Variants in PTPRO observed in about 807,000 individuals in gnomAD.
PTPRO encodes the protein protein tyrosine phosphatase receptor type O, also known as receptor-type tyrosine-protein phosphatase O.
In PTPRO, 62 loss-of-function variants were observed where a neutral mutation model predicts 145.2. That is an observed-to-expected ratio of 0.43 (90% CI 0.35 to 0.53). The LOEUF is 0.53. Ranked by LOEUF, PTPRO falls within the 20% of genes least tolerant of loss-of-function variation. The pLI, the probability that PTPRO is intolerant of heterozygous loss-of-function variation, is 0.01. For missense variants in PTPRO, 1,345 were observed against 1,482.7 expected (o/e 0.91, Z 1.53); for synonymous variants, 565 against 514.7 (o/e 1.10, Z -1.32).
intron 2 of PTPRO, among the ~76,000 whole-genome samples, chr12:15,492,910 A>G (rs1195957288): frequency 6.6e-6 from 1 of 152,194 alleles, no homozygotes; most frequent in African/African-American, 2.4e-5. Flanking sequence ...AGAGATGATT[A>G]TGAGAATTTC....
At chr12:15,387,058 A>G (rs1440533280) in intron 1 of PTPRO, among the ~76,000 whole-genome samples, 3 of 152,218 alleles carry the variant, frequency 2.0e-5, no homozygotes, top group Non-Finnish European at 4.4e-5. Context: ...ATTGCATACA[A>G]AAACCTTGCA....
At chr12:15,378,549 T>A (rs528758570) in intron 1 of PTPRO, among the ~76,000 whole-genome samples, 1 of 152,226 alleles carries the variant, frequency 6.6e-6, no homozygotes, top group African/African-American at 2.4e-5. Context: ...AATTAGTAAT[T>A]TAAGATATTC....
intron 1 of PTPRO, among the ~76,000 whole-genome samples, chr12:15,360,887 CAT>C (rs1491319307): frequency 1.9e-5 from 2 of 106,268 alleles, no homozygotes; most frequent in Non-Finnish European, 4.2e-5. Context: ...CACACATACA[CAT>C]GTGTATATAC....
chr12:15,467,924 T>A lies in PTPRO; in HGVS notation c.76-16050T>A, dbSNP rs253816. Among the ~76,000 whole-genome samples, 269 of 152,306 alleles carry A rather than the reference T, an allele frequency of 1.8e-3. 1 individual carries two copies. Among genetic ancestry groups the A allele is most frequent in the African/African-American group, 6.2e-3 (256 of 41,584 alleles). ...GCTATTCAGAATGTGAACTCCCCAA[T>A]GGTGCATTAGATATTTCCAGTCTTG... On this transcript the variant is annotated intron_variant, in intron 1 of 26. Coordinates refer to ENST00000281171, the MANE Select transcript of PTPRO (RefSeq NM_030667.3).
At chr12:15,550,392 T>C (rs1943424043) in intron 14 of PTPRO, among the ~76,000 whole-genome samples, 1 of 152,178 alleles carries the variant, frequency 6.6e-6, no homozygotes, top group African/African-American at 2.4e-5. Context: ...TTGGTCTTGC[T>C]GTCTCAAGGG....
At position 15,567,550 on chromosome 12, in the gene PTPRO, C is replaced by A. The variant is rs146201050; in HGVS notation, c.2748-1867C>A. Among the ~76,000 whole-genome samples, 558 of 152,022 alleles carry A rather than the reference C, an allele frequency of 3.7e-3. 4 individuals carry two copies. The highest frequency in any genetic ancestry group is 0.012 in the African/African-American group (511 of 41,434). On this transcript the variant is annotated intron_variant, in intron 18 of 26. Coordinates refer to ENST00000281171, the MANE Select transcript of PTPRO (RefSeq NM_030667.3). ...GCTTCTTGCTTTTACTTCTTTTAAC[C>A]CATTAATACTTTGTCTGGTTTGCCT... is the stretch of plus-strand genomic sequence containing the variant.
In PTPRO at chr12:15,589,483, A is replaced by G. The variant is rs1234909575; in HGVS notation, c.3439A>G (p.Ile1147Val). The G allele has an allele frequency of 6.2e-7, 1 of 1,614,100 alleles. No individual in the cohort carries two copies. Among genetic ancestry groups the G allele is most frequent in the Admixed American group, 1.7e-5 (1 of 60,020 alleles). The change falls in exon 25 of 27, where the codon ATT (isoleucine) becomes GTT (valine). Residue 1147 changes from isoleucine (I) to valine (V), a missense_variant. Physicochemically the swap from Ile to Val is conservative, Grantham distance 29. Coordinates refer to ENST00000281171, the MANE Select transcript of PTPRO (RefSeq NM_030667.3). ...TGGCGTGGGACGGACAGGAACATTC[A>G]TTGCCCTGGACAGGCTCTTGCAGCA... ...SAGVGRTGTF[I>V]ALDRLLQHIR... is the part of the protein sequence containing the mutation.
intron 1 of PTPRO, among the ~76,000 whole-genome samples, chr12:15,445,151 G>A (rs889716545): frequency 1.3e-5 from 2 of 152,078 alleles, no homozygotes; most frequent in Non-Finnish European, 2.9e-5. Context: ...AACAAGAGCA[G>A]GTTTAAAGAG....
intron 1 of PTPRO, among the ~76,000 whole-genome samples, chr12:15,390,171 T>G (rs1478499949): frequency 6.6e-6 from 1 of 152,234 alleles, no homozygotes; most frequent in East Asian, 1.9e-4. Context: ...AAAGCATTTA[T>G]CCATTGGTCC....
chr12:15,398,827 A>G (rs562675712), intron 1 of PTPRO, among the ~76,000 whole-genome samples: 20 of 152,198 alleles, frequency 1.3e-4, no homozygotes, highest in Non-Finnish European at 2.8e-4. Context: ...ATATCAAATC[A>G]TTGTACCATG....
In PTPRO at chr12:15,484,181, A is replaced by G; in HGVS notation, c.283A>G (p.Ile95Val). ...KASYHGLYYIITLVVVNGNVV... is the reference protein window; with the variant it reads ...KASYHGLYYIVTLVVVNGNVV... ...CAGTTATCATGGCCTTTATTATATA[A>G]TCACTCTGGTAGTGGTAAATGGAAA... The change falls in exon 2 of 27, where the codon ATC becomes GTC. Residue 95 changes from isoleucine (I) to valine (V), a missense_variant. By Grantham distance (29) the Ile-to-Val change is conservative (BLOSUM62 3). Transcript: ENST00000281171. The G allele has an allele frequency of 1.2e-6, 2 of 1,613,616 alleles. No homozygotes were observed. Among genetic ancestry groups the G allele is most frequent in the Non-Finnish European group, 1.7e-6 (2 of 1,179,718 alleles).
At chr12:15,578,776 G>A (rs752138670) in intron 19 of PTPRO, 77 bp from the exon 20 acceptor site, 63 of 1,057,392 alleles carry the variant, frequency 6.0e-5, no homozygotes, top group African/African-American at 1.1e-4. Context: ...AAGGGCTTGT[G>A]AGCAATAAAC....
intron 15 of PTPRO, 84 bp downstream of exon 15, chr12:15,551,755 G>C: frequency 6.9e-7 from 1 of 1,445,204 alleles, no homozygotes; most frequent in Non-Finnish European, 9.6e-7. Flanking sequence ...GCACACCTAA[G>C]TTGTATAGCG....
At position 15,516,882 on chromosome 12, in the gene PTPRO, A is replaced by G. The variant is rs200394027; in HGVS notation, c.1705A>G (p.Asn569Asp). 2.5e-5 allele frequency: 41 copies of G among 1,613,562 alleles called. No homozygotes were observed. Among genetic ancestry groups the G allele is most frequent in the Admixed American group, 1.0e-4 (6 of 59,978 alleles). ...RKYVVEMFYF[N>D]PATMTSEWTT... The stretch of plus-strand genomic sequence containing the variant: ...ATACGTGGTTGAAATGTTTTATTTC[A>G]ACCCTGCTACAATGACATCAGAGTG... The change falls in exon 9 of 27, where the codon AAC (asparagine) becomes GAC (aspartate). Residue 569 changes from asparagine to aspartate, a missense_variant. Physicochemically the swap from Asn to Asp is conservative, Grantham distance 23. Around this residue, in one of 3 missense-constraint regions of PTPRO, gnomAD observed 1,130 missense variants for 1,214.7 expected, o/e 0.93. Transcript: ENST00000281171.
chr12:15,425,546 A>G (rs1230917360), intron 1 of PTPRO, among the ~76,000 whole-genome samples: 1 of 152,148 alleles, frequency 6.6e-6, no homozygotes, highest in Non-Finnish European at 1.5e-5. Flanking sequence ...CTCAGATTAT[A>G]AAATAACCTC....
At chr12:15,590,568 C>T (rs1047497711) in intron 25 of PTPRO, among the ~76,000 whole-genome samples, 4 of 152,180 alleles carry the variant, frequency 2.6e-5, no homozygotes, top group Non-Finnish European at 4.4e-5. Context: ...GTAATGGCGG[C>T]CGTCTCAGCT....
At chr12:15,510,304 C>A (rs75127706) in intron 7 of PTPRO, among the ~76,000 whole-genome samples, 5 of 152,108 alleles carry the variant, frequency 3.3e-5, no homozygotes, top group African/African-American at 1.2e-4. Flanking sequence ...TATGCTAAAC[C>A]GATTAACTAG....
At chr12:15,398,171 A>C (rs1460960024) in intron 1 of PTPRO, among the ~76,000 whole-genome samples, 1 of 152,192 alleles carries the variant, frequency 6.6e-6, no homozygotes. Context: ...GCCACTTCAA[A>C]TGCTAACAAC....
intron 1 of PTPRO, among the ~76,000 whole-genome samples, chr12:15,460,188 C>G (rs940417301): frequency 6.6e-6 from 1 of 152,180 alleles, no homozygotes; most frequent in Non-Finnish European, 1.5e-5. Flanking sequence ...GCTGGTGGAA[C>G]TATTTATGCC....
Sources: allele counts gnomAD v4.1 joint callset (sites outside exome capture counted in the v4.1 genomes callset), GRCh38; gene constraint gnomAD v4.1.1; regional missense constraint gnomAD v4.1.1; transcripts MANE v1.5; gene names NCBI Gene and HGNC (gene_info 2026-07-23, HGNC 2026-07-21).